The following MBOAT1 variants were observed in gnomAD, a reference collection of about 807,000 sequenced individuals.
MBOAT1 encodes the protein membrane bound glycerophospholipid O-acyltransferase 1, also known as membrane-bound glycerophospholipid O-acyltransferase 1.
In MBOAT1, 67 loss-of-function variants were observed where a neutral mutation model predicts 64.4. That is an observed-to-expected ratio of 1.04 (90% CI 0.85 to 1.27). The LOEUF (loss-of-function observed/expected upper bound fraction) is 1.27. MBOAT1 is among the 50% of genes most tolerant of loss of function. The pLI is 0.00. For missense variants in MBOAT1, 563 were observed against 604.6 expected, an observed-to-expected ratio of 0.93 and a Z score of 0.72; for synonymous variants, 229 against 218.9, an observed-to-expected ratio of 1.05 and a Z score of -0.41.
chr6:20,188,658 A>T (rs1419903208), intron 1 of MBOAT1, among the ~76,000 whole-genome samples: 1 of 152,132 alleles, frequency 6.6e-6, no homozygotes, highest in Non-Finnish European at 1.5e-5. Context: ...ATAAGGTGTG[A>T]ATTTCTGGTA....
At chr6:20,198,227 C>CAA (rs5874758) in intron 1 of MBOAT1, among the ~76,000 whole-genome samples, 2 of 125,612 alleles carry the variant, frequency 1.6e-5, no homozygotes, top group Non-Finnish European at 1.7e-5. Context: ...GACTGTGTCT[C>CAA]AAAAAAAAAA....
chr6:20,186,706 A>G (rs1266319806), intron 1 of MBOAT1, among the ~76,000 whole-genome samples: 2 of 152,206 alleles, frequency 1.3e-5, no homozygotes, highest in African/African-American at 4.8e-5. Context: ...AGAGCTAAAA[A>G]CTGTATCTGG....
rs539940587 is a variant in MBOAT1, at chr6:20,113,162, A to G, written c.1077-154T>C. Among the ~76,000 whole-genome samples the G allele has an allele frequency of 3.3e-5, 5 of 152,368 alleles. No homozygotes were observed. The East Asian group carries it at 9.6e-4, about 29-fold the overall frequency. ...CTTCGGGGACTTGCAGTGCAATCCA[A>G]GCAGCCTGGACTACCCTGGTTTCCT... On this transcript the variant is annotated intron_variant, in intron 10 of 12. Transcript: ENST00000324607.
intron 1 of MBOAT1, among the ~76,000 whole-genome samples, chr6:20,207,805 A>C (rs1335639471): frequency 1.3e-5 from 2 of 152,250 alleles, no homozygotes; most frequent in African/African-American, 4.8e-5. Flanking sequence ...TCCTGTGGGC[A>C]TCCCTTCTCT....
chr6:20,144,394 T>G, intron 3 of MBOAT1, 79 bp from the exon 4 acceptor site: 1 of 981,538 alleles, frequency 1.0e-6, no homozygotes, highest in East Asian at 2.4e-5. Context: ...CTTCCTCTCT[T>G]TCATCCTTCA....
chr6:20,158,807 C>A (rs147886386), intron 1 of MBOAT1, among the ~76,000 whole-genome samples: 3 of 152,182 alleles, frequency 2.0e-5, no homozygotes, highest in Non-Finnish European at 2.9e-5. Flanking sequence ...CCAGCAGATA[C>A]GTGCAGAAAT....
At chr6:20,174,241 G>A (rs186115402) in intron 1 of MBOAT1, among the ~76,000 whole-genome samples, 119 of 152,290 alleles carry the variant, frequency 7.8e-4, no homozygotes, top group African/African-American at 2.6e-3. Context: ...ATCCTGCGTC[G>A]CTTAACAATG....
chr6:20,191,287 C>G (rs2113756240), intron 1 of MBOAT1, among the ~76,000 whole-genome samples: 1 of 152,350 alleles, frequency 6.6e-6, no homozygotes, highest in Non-Finnish European at 1.5e-5. Flanking sequence ...GCACCATGCT[C>G]TTGAACTTCC....
intron 1 of MBOAT1, among the ~76,000 whole-genome samples, chr6:20,193,918 T>C (rs1293960239): frequency 6.6e-6 from 1 of 152,164 alleles, no homozygotes; most frequent in Non-Finnish European, 1.5e-5. Context: ...CCTTTGTATC[T>C]TTACTGAAAA....
Position 20,126,211 on chromosome 6 carries a change from A to G in MBOAT1, c.714+306T>C, listed in dbSNP as rs538537007. Among the ~76,000 whole-genome samples the G allele has an allele frequency of 7.2e-5, 11 of 152,214 alleles. No individual in the cohort carries two copies. The South Asian group carries it at 8.3e-4, about 11-fold the overall frequency. On this transcript the variant is annotated intron_variant, in intron 7 of 12. Transcript: ENST00000324607. ...GGCTGTACTTGAATTTCAACTCATA[A>G]AGGCAAAACACCCATAGTATTCAAA...
intron 1 of MBOAT1, among the ~76,000 whole-genome samples, chr6:20,210,441 C>T (rs769012407): frequency 4.3e-4 from 65 of 152,158 alleles, no homozygotes; most frequent in Non-Finnish European, 6.5e-4. Flanking sequence ...TGGGGCACTG[C>T]CTTTTAAGTG....
intron 4 of MBOAT1, among the ~76,000 whole-genome samples, chr6:20,140,057 A>C (rs1761125569): frequency 6.6e-6 from 1 of 152,096 alleles, no homozygotes; most frequent in Non-Finnish European, 1.5e-5. Context: ...CTCCTCTCAC[A>C]TAAGCCCCAG....
chr6:20,190,201 G>A (rs1209017932), intron 1 of MBOAT1, among the ~76,000 whole-genome samples: 1 of 152,028 alleles, frequency 6.6e-6, no homozygotes, highest in Non-Finnish European at 1.5e-5. Flanking sequence ...CACTATGTTG[G>A]CCAGGCTGGT....
chr6:20,208,048 G>A (rs1189412877), intron 1 of MBOAT1, among the ~76,000 whole-genome samples: 1 of 152,148 alleles, frequency 6.6e-6, no homozygotes, highest in Non-Finnish European at 1.5e-5. Context: ...TGTGAGCTGA[G>A]CTTTTAATGA....
chr6:20,171,160 T>C (rs898828456), intron 1 of MBOAT1, among the ~76,000 whole-genome samples: 1 of 152,082 alleles, frequency 6.6e-6, no homozygotes, highest in Non-Finnish European at 1.5e-5. Flanking sequence ...GAAAGGCTGA[T>C]GTGTAAGAAT....
At chr6:20,180,708 T>C (rs1762483501) in intron 1 of MBOAT1, among the ~76,000 whole-genome samples, 1 of 152,214 alleles carries the variant, frequency 6.6e-6, no homozygotes, top group Non-Finnish European at 1.5e-5. Context: ...ATTTCTGGCT[T>C]TTAAATTTGA....
At chr6:20,120,665 T>C (rs1045342589) in intron 8 of MBOAT1, among the ~76,000 whole-genome samples, 1 of 46,084 alleles carries the variant, frequency 2.2e-5, no homozygotes, top group Admixed American at 2.6e-4. Context: ...CAAAACTCCA[T>C]CTAAAAAAAA....
Position 20,131,178 on chromosome 6 carries a change from C to T in MBOAT1, c.441G>A (p.Gln147=). The stretch of plus-strand genomic sequence containing the variant: ...CCTGGAATGCCAAGGTTGTGATCTT[C>T]TGAGTGACAATCATCAGAGGCCTGG... ...DFSGPLMIVT[Q]KITTLAFQVH... is the part of the protein sequence containing the mutation. Residue 147 remains glutamine, a synonymous_variant, in exon 5 of 13, where the codon CAG becomes CAA. Coordinates refer to ENST00000324607, the MANE Select transcript of MBOAT1 (RefSeq NM_001080480.3). 1 of 1,613,978 alleles carries T rather than the reference C, an allele frequency of 6.2e-7. No individual in the cohort carries two copies. Among genetic ancestry groups the T allele is most frequent in the Non-Finnish European group, 8.5e-7 (1 of 1,179,866 alleles).
intron 8 of MBOAT1, among the ~76,000 whole-genome samples, chr6:20,120,467 G>A (rs1446140284): frequency 2.6e-5 from 4 of 151,988 alleles, no homozygotes; most frequent in South Asian, 4.2e-4. Context: ...TCAGCAGTTC[G>A]AGACCAGCCT....
Sources: allele counts gnomAD v4.1 joint callset (sites outside exome capture counted in the v4.1 genomes callset), GRCh38; gene constraint gnomAD v4.1.1; transcripts MANE v1.5; gene names NCBI Gene and HGNC (gene_info 2026-07-23, HGNC 2026-07-21).